Variants in IL10RB observed in about 807,000 individuals in gnomAD.
IL10RB encodes the protein interleukin 10 receptor subunit beta, also known as interleukin-10 receptor subunit beta.
Under a neutral mutation model 38.7 loss-of-function variants are expected in IL10RB, and 30 were observed. That is an observed-to-expected ratio of 0.78 (90% CI 0.58 to 1.05). The LOEUF is 1.05. Ranked by LOEUF, IL10RB falls within the 50% of genes least tolerant of loss-of-function variation. The pLI is 0.00. For synonymous variants in IL10RB, 142 were observed against 145.9 expected (o/e 0.97, Z 0.19); for missense variants, 328 against 397.1 (o/e 0.83, Z 1.48).
intron 1 of IL10RB, among the ~76,000 whole-genome samples, chr21:33,303,031 T>C (rs2082989731): frequency 6.6e-6 from 1 of 152,172 alleles, no homozygotes; most frequent in Non-Finnish European, 1.5e-5. Context: ...ACACCTGTGT[T>C]CCCAGCCTTG....
intron 6 of IL10RB, among the ~76,000 whole-genome samples, chr21:33,289,974 C>T (rs1286135704): frequency 6.6e-6 from 1 of 152,040 alleles, no homozygotes; most frequent in African/African-American, 2.4e-5. Flanking sequence ...ATTAGCCAGG[C>T]GTGGTGGCGG....
chr21:33,294,585 C>T (rs1281473397), intron 6 of IL10RB, among the ~76,000 whole-genome samples: 1 of 152,068 alleles, frequency 6.6e-6, no homozygotes, highest in Non-Finnish European at 1.5e-5. Flanking sequence ...CCTGGCCCAA[C>T]AGAGGAGCAC....
chr21:33,295,728 A>AT (rs1298332169), intron 6 of IL10RB, among the ~76,000 whole-genome samples: 2 of 151,880 alleles, frequency 1.3e-5, no homozygotes, highest in East Asian at 3.9e-4. Context: ...CCACTTGTAA[A>AT]AAAATAAAAT....
chr21:33,276,599 T>A lies in IL10RB; in HGVS notation c.177T>A (p.Tyr59Ter). Residue 59 changes from tyrosine to a stop codon, truncating the protein, a stop_gained, in exon 3 of 7, where the codon TAT becomes TAA. Coordinates refer to ENST00000290200, the MANE Select transcript of IL10RB (RefSeq NM_000628.5). LOFTEE classifies it high-confidence loss of function. Reference protein sequence around the residue: ...NLTFTAQYLSYRIFQDKCMNT... With the variant: ...NLTFTAQYLS Reference sequence around the variant, plus strand: ...ACCTATCTTTTTGATTGTGTAGTTATAGGATATTCCAAGATAAATGCATGA... The same window carrying A: ...ACCTATCTTTTTGATTGTGTAGTTAAAGGATATTCCAAGATAAATGCATGA... 6.2e-7 allele frequency: 1 copy of A among 1,612,796 alleles called. No individual in the cohort carries two copies.
chr21:33,281,646 G>A lies in IL10RB; in HGVS notation c.499-1448G>A, dbSNP rs559940831. On this transcript the variant is annotated intron_variant, in intron 4 of 6. Transcript: ENST00000290200. ...TGCCCAGGCTGGAAAGCAGCGGTGC[G>A]ATCTCAGCTTACTGCAACCTCCGCC... is the stretch of plus-strand genomic sequence containing the variant. 7.9e-5 allele frequency among the ~76,000 whole-genome samples: 12 copies of A among 152,214 alleles called. No individual in the cohort carries two copies. The South Asian group carries it at 8.3e-4, about 11-fold the overall frequency.
At chr21:33,298,936 T>C (rs1178488483), downstream of IL10RB, among the ~76,000 whole-genome samples, 1 of 152,146 alleles carries the variant, frequency 6.6e-6, no homozygotes, top group Non-Finnish European at 1.5e-5. Flanking sequence ...GCTGGCCAGG[T>C]AGAGACCCCA....
In IL10RB at chr21:33,283,258, A is replaced by G. The variant is rs1601833221; in HGVS notation, c.646+17A>G. On this transcript the variant is annotated intron_variant, in intron 5 of 6. Coordinates refer to ENST00000290200, the MANE Select transcript of IL10RB (RefSeq NM_000628.5). ...CCCATGACGGTAAGCCCTGAGATGCACCTCCGCTAAGCATCCTAAACAGCT... is the reference window on the plus strand; with the variant it reads ...CCCATGACGGTAAGCCCTGAGATGCGCCTCCGCTAAGCATCCTAAACAGCT... 1 of 1,612,258 alleles carries G rather than the reference A, an allele frequency of 6.2e-7. No individual in the cohort carries two copies. The highest frequency in any genetic ancestry group is 8.5e-7 in the Non-Finnish European group (1 of 1,179,414).
At chr21:33,268,261 C>A (rs1227470080) in intron 1 of IL10RB, 133 bp from the exon 2 acceptor site, 5 of 1,554,508 alleles carry the variant, frequency 3.2e-6, no homozygotes, top group South Asian at 1.2e-5. Context: ...GCCAACCTGT[C>A]TCTCCCTCCC....
intron 2 of IL10RB, among the ~76,000 whole-genome samples, chr21:33,271,920 T>C (rs1335212927): frequency 6.6e-6 from 1 of 151,522 alleles, no homozygotes; most frequent in Admixed American, 6.6e-5. Context: ...AGCAGCCTCT[T>C]GTCTCTACAA....
chr21:33,293,391 C>T (rs1369183408), intron 6 of IL10RB, among the ~76,000 whole-genome samples: 3 of 152,204 alleles, frequency 2.0e-5, no homozygotes, highest in South Asian at 2.1e-4. Flanking sequence ...TTTCAGCCTC[C>T]GATATTCCTG....
At chr21:33,276,999 G>T (rs1989183444) in intron 3 of IL10RB, among the ~76,000 whole-genome samples, 1 of 152,138 alleles carries the variant, frequency 6.6e-6, no homozygotes, top group African/African-American at 2.4e-5. Flanking sequence ...CCTCAAGGAT[G>T]TGACTATGTT....
intron 1 of IL10RB, 144 bp downstream of exon 1, chr21:33,266,658 T>A: frequency 1.3e-6 from 1 of 789,450 alleles, no homozygotes; most frequent in African/African-American, 1.8e-5. Context: ...CACGGCCGGC[T>A]GCTGAGACGC....
downstream of IL10RB, among the ~76,000 whole-genome samples, chr21:33,298,185 C>G (rs766313673): frequency 8.5e-5 from 13 of 152,164 alleles, no homozygotes; most frequent in Non-Finnish European, 1.6e-4. Flanking sequence ...TTTAAAAATA[C>G]CTTCACACCA....
intron 5 of IL10RB, among the ~76,000 whole-genome samples, chr21:33,286,290 C>A (rs759244012): frequency 6.6e-6 from 1 of 152,206 alleles, no homozygotes; most frequent in Non-Finnish European, 1.5e-5. Flanking sequence ...ATCCCTGTGT[C>A]CCTTTAAAAC....
intron 2 of IL10RB, among the ~76,000 whole-genome samples, chr21:33,272,740 C>A (rs775740048): frequency 6.6e-6 from 1 of 152,194 alleles, no homozygotes; most frequent in Non-Finnish European, 1.5e-5. Flanking sequence ...GCCACTGAGC[C>A]GGGCCAGCTC....
At chr21:33,273,811 T>C (rs1242472015) in intron 2 of IL10RB, among the ~76,000 whole-genome samples, 1 of 152,260 alleles carries the variant, frequency 6.6e-6, no homozygotes, top group Non-Finnish European at 1.5e-5. Flanking sequence ...GAAACCACTT[T>C]CTTTGCTCAC....
At chr21:33,274,112 C>G (rs28741377) in intron 2 of IL10RB, among the ~76,000 whole-genome samples, 3,927 of 152,292 alleles carry the variant, frequency 0.026, 74 homozygotes, top group Non-Finnish European at 0.036. Flanking sequence ...TTACCTTGCC[C>G]AGATCCATCA....
intron 4 of IL10RB, among the ~76,000 whole-genome samples, chr21:33,280,318 CT>C (rs768209225): frequency 3.4e-4 from 52 of 152,194 alleles, no homozygotes; most frequent in Non-Finnish European, 6.6e-4. Flanking sequence ...TTGCTCTATT[CT>C]TCAGGGGACA....
intron 3 of IL10RB, among the ~76,000 whole-genome samples, chr21:33,277,259 G>A (rs1409994863): frequency 6.6e-6 from 1 of 151,650 alleles, no homozygotes; most frequent in African/African-American, 2.4e-5. Flanking sequence ...ATTGTTCCCA[G>A]GTTAGGTGGA....
Sources: allele counts gnomAD v4.1 joint callset (sites outside exome capture counted in the v4.1 genomes callset), GRCh38; gene constraint gnomAD v4.1.1; transcripts MANE v1.5; gene names NCBI Gene and HGNC (gene_info 2026-07-23, HGNC 2026-07-21).